The following FARP1 variants were observed in gnomAD, a reference collection of about 807,000 sequenced individuals.
FARP1 encodes the protein FERM, ARHGEF and pleckstrin domain-containing protein 1.
A neutral mutation model predicts 128.8 loss-of-function variants in FARP1; 52 were observed. The ratio of observed to expected loss-of-function variants is 0.40; its 90% CI spans 0.32 to 0.51. The LOEUF is 0.51. FARP1 is among the 20% of genes least tolerant of loss of function. The pLI, the probability that FARP1 is intolerant of heterozygous loss-of-function variation, is 0.45. For synonymous variants in FARP1, 580 were observed against 551.8 expected, an observed-to-expected ratio of 1.05 and a Z score of -0.72; for missense variants, 1,333 against 1,367.9, an observed-to-expected ratio of 0.97 and a Z score of 0.40.
intron 2 of FARP1, among the ~76,000 whole-genome samples, chr13:98,322,894 T>C (rs602871): frequency 0.26 from 39,064 of 152,150 alleles, 5,332 homozygotes; most frequent in Middle Eastern, 0.33. Flanking sequence ...AATTTGTTTC[T>C]CCAGACCTTT....
intron 2 of FARP1, among the ~76,000 whole-genome samples, chr13:98,240,513 A>G (rs1462052113): frequency 6.6e-6 from 1 of 152,214 alleles, no homozygotes; most frequent in Non-Finnish European, 1.5e-5. Flanking sequence ...GTTGCATTCT[A>G]TGACAAGTTG....
chr13:98,439,265 G>A (rs1892423931), intron 21 of FARP1, 69 bp downstream of exon 21: 10 of 1,076,040 alleles, frequency 9.3e-6, no homozygotes, highest in Admixed American at 2.1e-5. Context: ...CTGCTGACCC[G>A]GCGATGAGGA....
intron 2 of FARP1, among the ~76,000 whole-genome samples, chr13:98,277,592 G>T (rs989003732): frequency 6.6e-6 from 1 of 152,198 alleles, no homozygotes; most frequent in Non-Finnish European, 1.5e-5. Flanking sequence ...GCTGGGAAAG[G>T]GGTGAGGCCT....
intron 25 of FARP1, 86 bp downstream of exon 25, chr13:98,446,291 C>T: frequency 1.2e-6 from 1 of 853,556 alleles, no homozygotes. Context: ...TGGAATGACT[C>T]AGGCCTCTTG....
intron 10 of FARP1, 90 bp from the exon 11 acceptor site, chr13:98,390,722 A>G (rs1890274061): frequency 2.1e-6 from 2 of 948,358 alleles, no homozygotes; most frequent in Admixed American, 3.6e-5. Flanking sequence ...TTAGGGAAGG[A>G]GGGGAAGTGA....
chr13:98,390,226 C>T, intron 10 of FARP1, 106 bp downstream of exon 10: 1 of 1,238,472 alleles, frequency 8.1e-7, no homozygotes, highest in Non-Finnish European at 1.1e-6. Flanking sequence ...CGCTCATTGG[C>T]CTCCAGGAGC....
At chr13:98,227,977 CAG>C (rs1306220338) in intron 2 of FARP1, among the ~76,000 whole-genome samples, 5 of 152,202 alleles carry the variant, frequency 3.3e-5, no homozygotes, top group African/African-American at 1.2e-4. Context: ...CTAATGGGTA[CAG>C]AGTTTGTTTT....
intron 2 of FARP1, among the ~76,000 whole-genome samples, chr13:98,256,862 A>G (rs1343489470): frequency 3.2e-5 from 3 of 93,418 alleles, no homozygotes; most frequent in Non-Finnish European, 6.2e-5. Flanking sequence ...ACTTGGCCTT[A>G]CTACAGTTTT....
chr13:98,408,696 A>T (rs567061821), intron 13 of FARP1, among the ~76,000 whole-genome samples: 154 of 152,340 alleles, frequency 1.0e-3, no homozygotes, highest in African/African-American at 3.5e-3. Flanking sequence ...TATCTTATAA[A>T]GGGAAATTGT....
chr13:98,202,712 T>A (rs1052409846), intron 1 of FARP1, among the ~76,000 whole-genome samples: 1 of 152,134 alleles, frequency 6.6e-6, no homozygotes, highest in African/African-American at 2.4e-5. Flanking sequence ...ATAGTCTTCT[T>A]AATTACTTTT....
intron 2 of FARP1, among the ~76,000 whole-genome samples, chr13:98,247,288 C>T (rs1883118474): frequency 6.6e-6 from 1 of 152,204 alleles, no homozygotes; most frequent in Non-Finnish European, 1.5e-5. Flanking sequence ...CGATGCGTGC[C>T]ATCTACCAAT....
At chr13:98,388,314 C>A (rs1890175504) in intron 8 of FARP1, 69 bp from the exon 9 acceptor site, 1 of 1,227,788 alleles carries the variant, frequency 8.1e-7, no homozygotes, top group South Asian at 1.2e-5. Flanking sequence ...CTCCCATAAG[C>A]AAAACAGACC....
chr13:98,165,835 A>G (rs1206616226), intron 1 of FARP1, among the ~76,000 whole-genome samples: 1 of 145,596 alleles, frequency 6.9e-6, no homozygotes, highest in Non-Finnish European at 1.5e-5. Context: ...CTACTGCCTC[A>G]GCCTCCAGAG....
chr13:98,220,595 C>T (rs777166080), intron 2 of FARP1, among the ~76,000 whole-genome samples: 7 of 152,060 alleles, frequency 4.6e-5, no homozygotes, highest in Non-Finnish European at 8.8e-5. Context: ...TGGTGCTTGT[C>T]TGAGTGTAGC....
intron 16 of FARP1, among the ~76,000 whole-genome samples, chr13:98,417,490 C>CATGGGGGT (rs1327008646): frequency 2.3e-5 from 2 of 85,806 alleles, no homozygotes; most frequent in Non-Finnish European, 4.6e-5. Context: ...AAAAAGAACA[C>CATGGGGGT]ATGGGGGTGG....
chr13:98,286,140 C>T (rs200846922), intron 2 of FARP1, among the ~76,000 whole-genome samples: 17 of 152,268 alleles, frequency 1.1e-4, no homozygotes, highest in African/African-American at 3.6e-4. Context: ...CAGAAACCTG[C>T]GTGGCCCATG....
intron 1 of FARP1, among the ~76,000 whole-genome samples, chr13:98,151,517 A>G (rs1875995633): frequency 6.6e-6 from 1 of 152,116 alleles, no homozygotes; most frequent in African/African-American, 2.4e-5. Context: ...GATCAATGAT[A>G]AACATTGGTT....
Position 98,216,671 on chromosome 13 carries a change from A to G in FARP1, c.171+3258A>G, listed in dbSNP as rs536449047. On this transcript the variant is annotated intron_variant, in intron 2 of 26. Transcript: ENST00000319562. Reference sequence around the variant, plus strand: ...AACAAAGAACCACACCATCTTCTCCATGGTGTCTCCGTCCTTCTTTGTACC... The same window carrying G: ...AACAAAGAACCACACCATCTTCTCCGTGGTGTCTCCGTCCTTCTTTGTACC... Among the ~76,000 whole-genome samples, 50 of 152,318 alleles carry G rather than the reference A, an allele frequency of 3.3e-4. No individual in the cohort carries two copies. The South Asian group carries it at 5.4e-3, about 16-fold the overall frequency.
At chr13:98,389,708 T>C in intron 9 of FARP1, 1 of 390,644 alleles carries the variant, frequency 2.6e-6, no homozygotes, top group Non-Finnish European at 4.5e-6. Context: ...GTCACTTCCA[T>C]TGAAGCCACG....
Sources: gnomAD v4.1 joint callset for allele counts (sites outside exome capture counted in the v4.1 genomes callset) on GRCh38, gnomAD v4.1.1 for gene constraint, MANE v1.5 for transcripts, NCBI Gene and HGNC (gene_info 2026-07-23, HGNC 2026-07-21) for gene names.